Variants in PPOX observed in about 807,000 individuals in gnomAD.
PPOX encodes the protein variegate porphyria.
A neutral mutation model predicts 54.1 loss-of-function variants in PPOX; 23 were observed. The ratio of observed to expected loss-of-function variants is 0.43; its 90% CI spans 0.31 to 0.60. The LOEUF (loss-of-function observed/expected upper bound fraction) is 0.60, where lower values mean the gene tolerates loss of function less well. Ranked by LOEUF, PPOX falls within the 20% of genes least tolerant of loss-of-function variation. The pLI is 0.13. For missense variants in PPOX, 512 were observed against 601.1 expected, an observed-to-expected ratio of 0.85 and a Z score of 1.55; for synonymous variants, 224 against 236.1, an observed-to-expected ratio of 0.95 and a Z score of 0.47.
chr1:161,168,598 G>C, intron 6 of PPOX, 22 bp downstream of exon 6: 1 of 1,612,756 alleles, frequency 6.2e-7, no homozygotes, highest in Non-Finnish European at 8.5e-7. Context: ...TTGATTCAGA[G>C]GGTGAAAATA....
downstream of PPOX, chr1:161,172,364 CAGAGT>C (rs1236932267): frequency 6.3e-7 from 1 of 1,579,388 alleles, no homozygotes; most frequent in African/African-American, 1.4e-5. Context: ...ATGGGGGATC[CAGAGT>C]AGAGAAAAGC....
At chr1:161,169,311 T>TA in intron 7 of PPOX, 128 bp downstream of exon 7, 1 of 1,126,342 alleles carries the variant, frequency 8.9e-7, no homozygotes, top group Non-Finnish European at 1.3e-6. Context: ...TACTTAGACA[T>TA]GGGCTACCCC....
rs577180590 is a variant in PPOX at position 161,167,652 on chromosome 1, C to G, written c.338+166C>G. On this transcript the variant is annotated intron_variant, in intron 4 of 12. Coordinates refer to ENST00000367999, the MANE Select transcript of PPOX (RefSeq NM_001122764.3). ...CGATCTTGGCTCACTGCAACTTCCG[C>G]CTTTCGGGTTCAAGCGATTCTCCTG... The G allele has an allele frequency of 3.9e-6, 4 of 1,032,330 alleles. No individual in the cohort carries two copies. The Admixed American group carries it at 8.1e-5, about 21-fold the overall frequency. 63.9% of individuals were successfully genotyped at this position (1,032,330 alleles called of 1,614,324 possible). A position where few individuals can be genotyped will look rare whatever the true frequency, so the allele number is the denominator to read the frequency against.
chr1:161,170,326 C>CCCT, intron 9 of PPOX, 83 bp from the exon 10 acceptor site: 1 of 447,488 alleles, frequency 2.2e-6, no homozygotes, highest in Admixed American at 2.4e-5. Flanking sequence ...CTCTGTCCCC[C>CCCT]CCACCCCCCC....
In PPOX at chr1:161,169,664, C is replaced by T. The variant is rs375645747; in HGVS notation, c.812C>T (p.Ser271Phe). ...CAAATGTTTTCATGCTCTCAGGTAT[C>T]TCTAAGGGACAGCAGTCTGGAGGCT... The part of the protein sequence containing the change: ...SLQAEGRWKV[S>F]LRDSSLEADH... Residue 271 changes from serine (S) to phenylalanine (F), a missense_variant, in exon 8 of 13, where the codon TCT (serine) becomes TTT (phenylalanine). Physicochemically the swap from Ser to Phe is radical, Grantham distance 155 (BLOSUM62 -2). Transcript: ENST00000367999. 6.2e-7 allele frequency: 1 copy of T among 1,614,126 alleles called. No individual in the cohort carries two copies. The highest frequency in any genetic ancestry group is 1.3e-5 in the African/African-American group (1 of 75,046).
In PPOX at chr1:161,170,504, T is replaced by G. The variant is rs1162355223; in HGVS notation, c.1083T>G (p.Pro361=). The change falls in exon 10 of 13, where the codon CCT becomes CCG. Residue 361 remains proline, a synonymous_variant. Transcript: ENST00000367999. ...VAFPEQDGSP[P]GLRVTVMLGG... ...TCCCTGAGCAGGACGGGAGCCCCCC[T>G]GGCCTCAGAGTGACTGTGAGGAGGA... is the stretch of plus-strand genomic sequence containing the variant. 1.2e-6 allele frequency: 2 copies of G among 1,614,194 alleles called. No homozygotes were observed. Among genetic ancestry groups the G allele is most frequent in the African/African-American group, 1.3e-5 (1 of 75,058 alleles).
chr1:161,172,101 A>C (rs1410400782), downstream of PPOX: 9 of 1,613,096 alleles, frequency 5.6e-6, no homozygotes, highest in Non-Finnish European at 7.6e-6. Flanking sequence ...TGAGGGTTAG[A>C]GGTTGGAGAC....
chr1:161,176,791 A>G (rs1259245827), intron 4 of PPOX: 5 of 1,460,444 alleles, frequency 3.4e-6, no homozygotes, highest in Non-Finnish European at 3.7e-6. Context: ...CCCCACCCCA[A>G]CAGGACAGAT....
Position 161,167,282 on chromosome 1 carries a change from A to G in PPOX, c.222+48A>G. 1.2e-6 allele frequency: 2 copies of G among 1,614,010 alleles called. 1 individual carries two copies. The stretch of plus-strand genomic sequence containing the variant: ...AGGAGAGGTTGTGGAGGGGGCTTCC[A>G]TTGGGGAATAGAGTTTAGGGGAGGA... On this transcript the variant is annotated intron_variant, in intron 3 of 12. Transcript: ENST00000367999.
chr1:161,175,799 T>C (rs750908076), downstream of PPOX: 2 of 1,613,382 alleles, frequency 1.2e-6, no homozygotes, highest in East Asian at 2.2e-5. Flanking sequence ...TCCTTCCTCC[T>C]GCACTTACCT....
chr1:161,173,896 G>A (rs200391077), downstream of PPOX: 3 of 1,614,094 alleles, frequency 1.9e-6, no homozygotes, highest in Non-Finnish European at 2.5e-6. Flanking sequence ...GCAACATGGC[G>A]GGGTCCCCGG....
chr1:161,172,934 A>T (rs1162954005), downstream of PPOX, among the ~76,000 whole-genome samples: 1 of 152,150 alleles, frequency 6.6e-6, no homozygotes, highest in East Asian at 1.9e-4. Flanking sequence ...GGACCTTAAA[A>T]GAAACAAACT....
chr1:161,167,064 A>C lies in PPOX; in HGVS notation c.88-36A>C, dbSNP rs546518679. On this transcript the variant is annotated intron_variant, in intron 2 of 12. Transcript: ENST00000367999. The stretch of plus-strand genomic sequence containing the variant: ...CTCCTGACCTCTCGCCGGCGGCTAC[A>C]GGCGGTGCTGCAGTGTCTCTCCCTC... 7 of 1,614,144 alleles carry C rather than the reference A, an allele frequency of 4.3e-6. No homozygotes were observed. The East Asian group carries it at 8.9e-5, about 21-fold the overall frequency.
chr1:161,167,302 G>A, intron 3 of PPOX, 68 bp downstream of exon 3: 1 of 1,614,104 alleles, frequency 6.2e-7, no homozygotes, highest in Non-Finnish European at 8.5e-7. Context: ...AGAGTTTAGG[G>A]GAGGAAGTAT....
In PPOX at chr1:161,170,748, C is replaced by T; in HGVS notation, c.1227C>T (p.His409=). The T allele has an allele frequency of 6.2e-7, 1 of 1,614,108 alleles. No individual in the cohort carries two copies. Among genetic ancestry groups the T allele is most frequent in the Admixed American group, 1.7e-5 (1 of 60,014 alleles). The change falls in exon 11 of 13, where the codon CAC becomes CAT. Residue 409 remains histidine, a synonymous_variant. Coordinates refer to ENST00000367999, the MANE Select transcript of PPOX (RefSeq NM_001122764.3). Reference sequence around the variant, plus strand: ...TAGGACTGAAGGAGATGCCGAGCCACTGCTTGGTCCATCTACACAAGGTAA... The same window carrying T: ...TAGGACTGAAGGAGATGCCGAGCCATTGCTTGGTCCATCTACACAAGGTAA... ...TQLGLKEMPS[H]CLVHLHKNCI...
At chr1:161,170,994 G>A (rs750494194) in intron 12 of PPOX, 40 bp from the exon 13 acceptor site, 1 of 1,614,092 alleles carries the variant, frequency 6.2e-7, no homozygotes, top group Admixed American at 1.7e-5. Context: ...AAGGACATCA[G>A]ACCCCCAGCT....
chr1:161,166,593 C>T lies in PPOX; in HGVS notation c.-88C>T. On this transcript the variant is annotated 5_prime_UTR_variant, in exon 1 of 13. Coordinates refer to ENST00000367999, the MANE Select transcript of PPOX (RefSeq NM_001122764.3). The stretch of plus-strand genomic sequence containing the variant: ...GCGAGGGTGTGGCCCTTATCTGCAC[C>T]CAGCAGAGCGCCGGCGGGGTACGGT... The T allele has an allele frequency of 7.0e-7, 1 of 1,431,860 alleles. No individual in the cohort carries two copies. The highest frequency in any genetic ancestry group is 1.4e-5 in the African/African-American group (1 of 69,842). The allele number at this position is 1,431,860 out of a possible 1,614,324, so 88.7% of individuals were successfully genotyped here.
At chr1:161,175,834 T>C (rs1332600033), downstream of PPOX, 6 of 1,614,106 alleles carry the variant, frequency 3.7e-6, no homozygotes, top group Non-Finnish European at 5.1e-6. Flanking sequence ...TTCTGGACAG[T>C]AGGGCAGACC....
chr1:161,172,212 C>T, downstream of PPOX: 1 of 1,613,234 alleles, frequency 6.2e-7, no homozygotes, highest in Non-Finnish European at 8.5e-7. Context: ...CCAGGCAGTC[C>T]TTCCTTCTTC....
Sources: allele counts gnomAD v4.1 joint callset (sites outside exome capture counted in the v4.1 genomes callset), GRCh38; gene constraint gnomAD v4.1.1; transcripts MANE v1.5; gene names NCBI Gene and HGNC (gene_info 2026-07-23, HGNC 2026-07-21).